The following RNF216 variants were observed in gnomAD, a reference collection of about 807,000 sequenced individuals.
RNF216 encodes the protein E3 ubiquitin-protein ligase RNF216.
In RNF216, 72 loss-of-function variants were observed where a neutral mutation model predicts 110.8. That is an observed-to-expected ratio of 0.65 (90% CI 0.54 to 0.79). The LOEUF (loss-of-function observed/expected upper bound fraction) is 0.79, where lower values mean the gene tolerates loss of function less well. Ranked by LOEUF, RNF216 falls within the 30% of genes least tolerant of loss-of-function variation. RNF216 has a pLI of 0.00. For missense variants in RNF216, 1,342 were observed against 1,141.2 expected, an observed-to-expected ratio of 1.18 and a Z score of -2.54; for synonymous variants, 495 against 407.5, an observed-to-expected ratio of 1.21 and a Z score of -2.59.
intron 14 of RNF216, among the ~76,000 whole-genome samples, chr7:5,647,442 T>G (rs1207598069): frequency 1.4e-5 from 2 of 147,876 alleles, no homozygotes; most frequent in African/African-American, 2.5e-5. Context: ...CAAGGGATCC[T>G]CCTGCCTCAG....
At chr7:5,652,791 T>TAA (rs199685797) in intron 13 of RNF216, among the ~76,000 whole-genome samples, 16 of 151,650 alleles carry the variant, frequency 1.1e-4, no homozygotes, top group African/African-American at 3.6e-4. Context: ...CCCTGTCCCT[T>TAA]AAAAAAAAGA....
At chr7:5,777,653 G>A (rs1485987399) in intron 1 of RNF216, 1 of 152,228 alleles carries the variant, frequency 6.6e-6, no homozygotes, top group African/African-American at 2.4e-5. Context: ...CAAAGCAGAT[G>A]ATGAGTTCAG....
At chr7:5,641,473 C>T (rs1044072760) in intron 14 of RNF216, 97 bp from the exon 15 acceptor site, 20 of 1,002,044 alleles carry the variant, frequency 2.0e-5, no homozygotes, top group Non-Finnish European at 2.5e-5. Context: ...AAAATGATCA[C>T]TTATGGCTTT....
At chr7:5,768,244 A>C (rs763163615) in intron 1 of RNF216, among the ~76,000 whole-genome samples, 29 of 149,276 alleles carry the variant, frequency 1.9e-4, no homozygotes, top group Non-Finnish European at 3.0e-4. Context: ...TGAGCCCAGG[A>C]GTTTAAGACC....
At chr7:5,781,497 A>T (rs1483336857) in intron 1 of RNF216, 44 bp downstream of exon 1, 1 of 139,822 alleles carries the variant, frequency 7.2e-6, no homozygotes, top group Non-Finnish European at 1.5e-5. Flanking sequence ...GTCGCCTCAC[A>T]GACCCGCCCA....
rs184246564 is a variant in RNF216, at chr7:5,689,086, A to G, written c.2061+22675T>C. ...GCTGCCGATTCTGTGAAACAAAATG[A>G]TATCCTATTATATGGCACCACCATC... On this transcript the variant is annotated intron_variant, in intron 13 of 16. Coordinates refer to ENST00000389902, the MANE Select transcript of RNF216 (RefSeq NM_207111.4). Among the ~76,000 whole-genome samples, 13 of 152,256 alleles carry G rather than the reference A, an allele frequency of 8.5e-5. No individual in the cohort carries two copies. The East Asian group carries it at 2.3e-3, about 27-fold the overall frequency.
intron 15 of RNF216, among the ~76,000 whole-genome samples, chr7:5,629,805 C>A (rs1438632926): frequency 5.5e-5 from 6 of 109,908 alleles, no homozygotes; most frequent in Non-Finnish European, 1.0e-4. Context: ...CCAGCCTGGG[C>A]AACAGAGCAA....
At chr7:5,777,570 G>C (rs1796853587) in intron 1 of RNF216, 1 of 152,412 alleles carries the variant, frequency 6.6e-6, no homozygotes, top group African/African-American at 2.4e-5. Context: ...ATCAGGGCAA[G>C]AAGAAAGGAA....
At chr7:5,707,207 GTTC>G (rs1792349702) in intron 13 of RNF216, among the ~76,000 whole-genome samples, 1 of 152,168 alleles carries the variant, frequency 6.6e-6, no homozygotes. Context: ...TTCCAGCTTT[GTTC>G]TTCTTTCTTA....
chr7:5,729,237 G>A (rs1793940620), intron 7 of RNF216, among the ~76,000 whole-genome samples, 195 bp downstream of exon 7: 1 of 152,166 alleles, frequency 6.6e-6, no homozygotes, highest in South Asian at 2.1e-4. Flanking sequence ...GAACTTCTCT[G>A]CTTCTCATCT....
At chr7:5,720,323 G>A (rs1793338647) in intron 9 of RNF216, among the ~76,000 whole-genome samples, 1 of 152,166 alleles carries the variant, frequency 6.6e-6, no homozygotes, top group Admixed American at 6.5e-5. Context: ...TTCTCATGCT[G>A]ATCCACACTT....
intron 10 of RNF216, 61 bp from the exon 11 acceptor site, chr7:5,715,251 T>G: frequency 6.5e-7 from 1 of 1,528,402 alleles, no homozygotes; most frequent in Non-Finnish European, 8.9e-7. Flanking sequence ...GGGAGCCTTG[T>G]CTCCCATCCT....
chr7:5,683,950 G>C (rs1790813918), intron 13 of RNF216, among the ~76,000 whole-genome samples: 2 of 152,108 alleles, frequency 1.3e-5, no homozygotes, highest in South Asian at 4.1e-4. Context: ...GAGAAGGCTG[G>C]CTACTGCTAA....
In RNF216 at chr7:5,622,550, G is replaced by A. The variant is rs1584322300; in HGVS notation, c.*310C>T. On this transcript the variant is annotated 3_prime_UTR_variant, in exon 17 of 17. Coordinates refer to ENST00000389902, the MANE Select transcript of RNF216 (RefSeq NM_207111.4). ...AGGAGAGGCCCAGGTGTGAGCAGCA[G>A]GGACCTGGTCTATGGCCTATGCCAT... The A allele has an allele frequency of 3.1e-6, 1 of 322,740 alleles. No individual in the cohort carries two copies. The highest frequency in any genetic ancestry group is 5.7e-6 in the Non-Finnish European group (1 of 175,888). The allele number at this position is 322,740 out of a possible 1,614,324, so 20.0% of individuals were successfully genotyped here.
intron 13 of RNF216, among the ~76,000 whole-genome samples, chr7:5,698,169 C>T (rs536346375): frequency 3.6e-4 from 55 of 152,254 alleles, no homozygotes; most frequent in African/African-American, 1.3e-3. Context: ...TTAAAATCCT[C>T]GGTTTTCTAG....
chr7:5,715,372 C>G (rs980967641), intron 10 of RNF216, among the ~76,000 whole-genome samples, 182 bp from the exon 11 acceptor site: 14 of 152,166 alleles, frequency 9.2e-5, no homozygotes, highest in African/African-American at 3.4e-4. Context: ...AAGATACTAA[C>G]ACAGTATTAA....
At chr7:5,771,916 T>C (rs1796515883) in intron 1 of RNF216, among the ~76,000 whole-genome samples, 1 of 152,058 alleles carries the variant, frequency 6.6e-6, no homozygotes, top group African/African-American at 2.4e-5. Context: ...TCCAACATTA[T>C]GAGACATCAG....
In RNF216 at chr7:5,768,155, A is replaced by C. The variant is rs546526345; in HGVS notation, c.-69-7017T>G. Among the ~76,000 whole-genome samples, 3 of 152,016 alleles carry C rather than the reference A, an allele frequency of 2.0e-5. No individual in the cohort carries two copies. In the East Asian group the frequency reaches 5.8e-4, roughly 29 times the overall value. On this transcript the variant is annotated intron_variant, in intron 1 of 16. Transcript: ENST00000389902. ...TTTCATTCATAATGTCCAGACTTTG[A>C]TTAAAAAAAAAATTACCAGGTGCGG...
intron 13 of RNF216, among the ~76,000 whole-genome samples, chr7:5,699,132 A>G (rs959530885): frequency 6.6e-6 from 1 of 152,202 alleles, no homozygotes; most frequent in Non-Finnish European, 1.5e-5. Context: ...CGTGTTTAAT[A>G]ATGATCGACT....
Sources: gnomAD v4.1 joint callset for allele counts (sites outside exome capture counted in the v4.1 genomes callset) on GRCh38, gnomAD v4.1.1 for gene constraint, MANE v1.5 for transcripts, NCBI Gene and HGNC (gene_info 2026-07-23, HGNC 2026-07-21) for gene names.